CNTNAP2: variants seen among roughly 807,000 people sequenced by gnomAD.
CNTNAP2 encodes contactin associated protein 2.
In CNTNAP2, 98 loss-of-function variants were observed where a neutral mutation model predicts 155.2. The observed-to-expected ratio is 0.63, with a 90% confidence interval of 0.54 to 0.75. CNTNAP2 has a LOEUF of 0.75. Among genes scored for constraint, CNTNAP2 ranks in the 30% least tolerant of loss-of-function variants. CNTNAP2 has a pLI of 0.00. For missense variants in CNTNAP2, 1,727 were observed against 1,688.1 expected (o/e 1.02, Z -0.40); for synonymous variants, 651 against 631.2 (o/e 1.03, Z -0.47).
intron 14 of CNTNAP2, among the ~76,000 whole-genome samples, chr7:147,960,986 A>T (rs1801110121): frequency 6.6e-6 from 1 of 152,208 alleles, no homozygotes. Context: ...GACAAAAATT[A>T]TATACAAAGA....
chr7:147,464,967 C>A (rs1282768702), intron 10 of CNTNAP2, among the ~76,000 whole-genome samples: 8 of 152,156 alleles, frequency 5.3e-5, no homozygotes, highest in Non-Finnish European at 1.0e-4. Flanking sequence ...CCATGAAAAA[C>A]TATGCAGCCA....
At chr7:146,567,449 T>C (rs1479257115) in intron 1 of CNTNAP2, among the ~76,000 whole-genome samples, 1 of 152,146 alleles carries the variant, frequency 6.6e-6, no homozygotes, top group Non-Finnish European at 1.5e-5. Context: ...ATAGTAAAAA[T>C]CTATATAGTC....
At chr7:148,413,412 ATATATAT>A (rs1477911123) in intron 23 of CNTNAP2, among the ~76,000 whole-genome samples, 1 of 85,472 alleles carries the variant, frequency 1.2e-5, no homozygotes, top group Non-Finnish European at 2.3e-5. Context: ...ATATATATAT[ATATATAT>A]ATATATATAT....
intron 4 of CNTNAP2, among the ~76,000 whole-genome samples, chr7:147,052,175 A>C (rs1799485961): frequency 6.6e-6 from 1 of 152,078 alleles, no homozygotes; most frequent in Non-Finnish European, 1.5e-5. Context: ...TCATGTGTTT[A>C]TTTTCATATG....
intron 5 of CNTNAP2, among the ~76,000 whole-genome samples, chr7:147,108,777 G>A (rs1385464537): frequency 6.6e-6 from 1 of 152,068 alleles, no homozygotes; most frequent in African/African-American, 2.4e-5. Context: ...AAGGCAACAG[G>A]GCTAATATTA....
At chr7:146,416,991 T>C (rs1370754387) in intron 1 of CNTNAP2, among the ~76,000 whole-genome samples, 3 of 152,132 alleles carry the variant, frequency 2.0e-5, no homozygotes, top group Non-Finnish European at 2.9e-5. Flanking sequence ...TTTTAGAAAT[T>C]CTAAGTGAGG....
At chr7:147,433,517 T>C (rs900703008) in intron 10 of CNTNAP2, among the ~76,000 whole-genome samples, 35 of 152,220 alleles carry the variant, frequency 2.3e-4, no homozygotes, top group Admixed American at 1.3e-4. Context: ...ATATTTGCTT[T>C]GTAAATCAAT....
At chr7:146,686,608 A>T (rs1391324792) in intron 1 of CNTNAP2, among the ~76,000 whole-genome samples, 1 of 152,200 alleles carries the variant, frequency 6.6e-6, no homozygotes, top group Non-Finnish European at 1.5e-5. Flanking sequence ...AAATTAAAAG[A>T]TAATTTTTAA....
chr7:148,408,139 G>C (rs554666924), intron 22 of CNTNAP2, among the ~76,000 whole-genome samples: 3 of 152,146 alleles, frequency 2.0e-5, no homozygotes, highest in African/African-American at 7.2e-5. Context: ...CAGCTACTTG[G>C]GAGGCTGAGG....
At chr7:148,193,243 G>A (rs778303514) in intron 18 of CNTNAP2, among the ~76,000 whole-genome samples, 1 of 152,066 alleles carries the variant, frequency 6.6e-6, no homozygotes, top group Non-Finnish European at 1.5e-5. Context: ...GCTTTTAGAG[G>A]GAGGTAAAGA....
At chr7:147,461,857 C>T (rs925243631) in intron 10 of CNTNAP2, among the ~76,000 whole-genome samples, 5 of 152,036 alleles carry the variant, frequency 3.3e-5, no homozygotes, top group Middle Eastern at 3.2e-3. Context: ...GTGCCTCATT[C>T]GAAAATAGCA....
At chr7:146,354,831 G>A (rs951348020) in intron 1 of CNTNAP2, among the ~76,000 whole-genome samples, 3 of 152,174 alleles carry the variant, frequency 2.0e-5, no homozygotes, top group Non-Finnish European at 4.4e-5. Context: ...ATTGAGTTGT[G>A]TCTTTGGGTA....
intron 3 of CNTNAP2, among the ~76,000 whole-genome samples, chr7:146,975,478 A>G (rs1178696322): frequency 6.6e-6 from 1 of 152,060 alleles, no homozygotes; most frequent in Non-Finnish European, 1.5e-5. Context: ...AAAAATAATA[A>G]TAAACAAAAA....
intron 8 of CNTNAP2, among the ~76,000 whole-genome samples, chr7:147,144,899 T>A (rs1801670008): frequency 6.6e-6 from 1 of 152,186 alleles, no homozygotes. Context: ...CAGGAGTACA[T>A]GCATGCTTTT....
chr7:146,519,509 T>G (rs962920237), intron 1 of CNTNAP2, among the ~76,000 whole-genome samples: 1 of 151,930 alleles, frequency 6.6e-6, no homozygotes, highest in Non-Finnish European at 1.5e-5. Flanking sequence ...CACAACAGAA[T>G]GTACTGGACT....
intron 1 of CNTNAP2, among the ~76,000 whole-genome samples, chr7:146,753,840 T>C (rs1219290890): frequency 6.6e-6 from 1 of 152,050 alleles, no homozygotes; most frequent in Non-Finnish European, 1.5e-5. Context: ...GAGGTTGTGC[T>C]TGTGGTAACA....
At position 147,196,875 on chromosome 7, in the gene CNTNAP2, C is replaced by A. The variant is rs1802811948; in HGVS notation, c.1348+64366C>A. 3.9e-5 allele frequency among the ~76,000 whole-genome samples: 6 copies of A among 152,098 alleles called. No homozygotes were observed. In the South Asian group the frequency reaches 1.2e-3, roughly 31 times the overall value. On this transcript the variant is annotated intron_variant, in intron 8 of 23. Transcript: ENST00000361727. ...GTGGAGGGTAAAACACAGTGTGATC[C>A]TCAAGATTTGCCACCACAGCTGACT...
intron 1 of CNTNAP2, among the ~76,000 whole-genome samples, chr7:146,189,156 C>T (rs1042426289): frequency 1.3e-5 from 2 of 152,136 alleles, no homozygotes; most frequent in Non-Finnish European, 2.9e-5. Context: ...TTCTAATTCT[C>T]TCAGGTAATG....
At chr7:147,349,309 A>G (rs980740043) in intron 9 of CNTNAP2, among the ~76,000 whole-genome samples, 13 of 151,956 alleles carry the variant, frequency 8.6e-5, no homozygotes, top group Admixed American at 5.9e-4. Flanking sequence ...ATATTAAAAC[A>G]AAAGATACTA....
Sources: allele counts gnomAD v4.1 joint callset (sites outside exome capture counted in the v4.1 genomes callset), GRCh38; gene constraint gnomAD v4.1.1; transcripts MANE v1.5; gene names NCBI Gene and HGNC (gene_info 2026-07-23, HGNC 2026-07-21).